GALNT2: variants seen among roughly 807,000 people sequenced by gnomAD.
GALNT2 encodes the protein UDP-GalNAc:polypeptide N-acetylgalactosaminyltransferase 2.
A neutral mutation model predicts 81.4 loss-of-function variants in GALNT2; 31 were observed. The observed-to-expected ratio is 0.38, with a 90% CI of 0.29 to 0.51. The LOEUF is 0.51. Ranked by LOEUF, GALNT2 falls within the 20% of genes least tolerant of loss-of-function variation. GALNT2 has a pLI of 0.87. For synonymous variants in GALNT2, 303 were observed against 287.4 expected (o/e 1.05, Z -0.55); for missense variants, 629 against 765.7 (o/e 0.82, Z 2.11).
intron 1 of GALNT2, among the ~76,000 whole-genome samples, chr1:230,177,899 G>A (rs934380288): frequency 3.3e-5 from 5 of 152,032 alleles, no homozygotes; most frequent in Admixed American, 2.0e-4. Flanking sequence ...TCCCTATCTC[G>A]CTTCCCCACC....
rs544662586 is a variant in GALNT2, at chr1:230,132,780, G to A, written c.127-45438G>A. On this transcript the variant is annotated intron_variant, in intron 1 of 15. Transcript: ENST00000366672. ...TATATTAGTTGTTTCTCTTCTTTCT[G>A]AATTCCTGTAAGAATATCCGAGTGT... Among the ~76,000 whole-genome samples, 11 of 152,290 alleles carry A rather than the reference G, an allele frequency of 7.2e-5. 1 individual carries two copies. The South Asian group carries it at 2.3e-3, about 32-fold the overall frequency.
intron 3 of GALNT2, among the ~76,000 whole-genome samples, chr1:230,210,100 G>A (rs1356588782): frequency 6.6e-6 from 1 of 152,214 alleles, no homozygotes; most frequent in African/African-American, 2.4e-5. Flanking sequence ...GTGTCGTCAG[G>A]CTGGAGCGTT....
At chr1:230,118,077 T>G (rs1660898820) in intron 1 of GALNT2, among the ~76,000 whole-genome samples, 1 of 152,252 alleles carries the variant, frequency 6.6e-6, no homozygotes, top group South Asian at 2.1e-4. Flanking sequence ...TCCCAGAATG[T>G]TGGAATCATT....
intron 3 of GALNT2, among the ~76,000 whole-genome samples, chr1:230,205,658 A>C (rs1395213910): frequency 6.6e-6 from 1 of 152,152 alleles, no homozygotes; most frequent in African/African-American, 2.4e-5. Flanking sequence ...GGATGTTGTG[A>C]AAGTGTTGAG....
chr1:230,249,866 T>C (rs1253686943), intron 9 of GALNT2, among the ~76,000 whole-genome samples: 2 of 152,238 alleles, frequency 1.3e-5, no homozygotes, highest in Non-Finnish European at 2.9e-5. Flanking sequence ...CAGTGTGCCA[T>C]AGACCTTCCC....
chr1:230,127,845 C>T (rs1661238122), intron 1 of GALNT2, among the ~76,000 whole-genome samples: 2 of 152,128 alleles, frequency 1.3e-5, no homozygotes, highest in South Asian at 4.1e-4. Flanking sequence ...TCCTCATTAC[C>T]ACGGTATTGC....
intron 3 of GALNT2, among the ~76,000 whole-genome samples, chr1:230,220,281 G>GTT (rs11341968): frequency 6.8e-6 from 1 of 147,928 alleles, no homozygotes; most frequent in Non-Finnish European, 1.5e-5. Context: ...AGGTGTTTTT[G>GTT]TTTTTTTTTT....
intron 10 of GALNT2, among the ~76,000 whole-genome samples, chr1:230,252,456 C>T (rs1244577936): frequency 6.6e-6 from 1 of 152,152 alleles, no homozygotes; most frequent in African/African-American, 2.4e-5. Flanking sequence ...CTGTGTTTCT[C>T]TACATCCCTG....
chr1:230,065,937 C>T (rs933763296), upstream of GALNT2, among the ~76,000 whole-genome samples: 3 of 152,154 alleles, frequency 2.0e-5, no homozygotes, highest in African/African-American at 4.8e-5. Flanking sequence ...AGGCACCTGA[C>T]CTCTGTTCAG....
chr1:230,191,147 CT>C (rs1663511380), intron 2 of GALNT2, among the ~76,000 whole-genome samples: 1 of 152,196 alleles, frequency 6.6e-6, no homozygotes, highest in Admixed American at 6.5e-5. Context: ...AAATAGTTAT[CT>C]TAAGCTTTAT....
chr1:230,227,976 AACTG>A (rs1241068719), intron 3 of GALNT2, among the ~76,000 whole-genome samples: 3 of 152,218 alleles, frequency 2.0e-5, no homozygotes, highest in Non-Finnish European at 2.9e-5. Flanking sequence ...AGAACCTGCA[AACTG>A]ACTATCAGAA....
rs1663962350 is a variant in GALNT2, at chr1:230,203,263, G to A, written c.347G>A (p.Arg116Lys). 6.2e-7 allele frequency: 1 copy of A among 1,614,148 alleles called. No individual in the cohort carries two copies. Among genetic ancestry groups the A allele is most frequent in the Non-Finnish European group, 8.5e-7 (1 of 1,179,996 alleles). The change falls in exon 3 of 16, where the codon AGA becomes AAA. Residue 116 changes from arginine to lysine, a missense_variant. Transcript: ENST00000366672. ...QVESDKLRMD[R>K]AIPDTRHDQC... The stretch of plus-strand genomic sequence containing the variant: ...GAGAGTGATAAGCTTCGAATGGACA[G>A]AGCCATCCCTGACACCCGGCATGAC...
intron 11 of GALNT2, among the ~76,000 whole-genome samples, chr1:230,258,239 T>TC (rs1451870168): frequency 8.8e-5 from 13 of 148,416 alleles, no homozygotes; most frequent in Admixed American, 4.1e-4. Flanking sequence ...TGGTTTTTTT[T>TC]CTTTTTTGAG....
At chr1:230,247,266 C>G (rs1474271296) in intron 8 of GALNT2, among the ~76,000 whole-genome samples, 8 of 152,126 alleles carry the variant, frequency 5.3e-5, no homozygotes, top group Non-Finnish European at 1.0e-4. Flanking sequence ...CCCCAGAAAA[C>G]AGAATACTTG....
At chr1:230,198,607 C>T (rs924231185) in intron 2 of GALNT2, among the ~76,000 whole-genome samples, 1 of 152,170 alleles carries the variant, frequency 6.6e-6, no homozygotes, top group Non-Finnish European at 1.5e-5. Context: ...TGTGGGACCA[C>T]CTGAGGGTTT....
chr1:230,275,855 GATATAC>G lies in GALNT2; in HGVS notation c.1560+1297_1560+1302del, dbSNP rs987716177. Reference sequence around the variant, plus strand: ...TATACATGTATATACATGCCACATAGATATACATATATAAATGCCACAGATATATAC... The same window carrying G: ...TATACATGTATATACATGCCACATAGATATATAAATGCCACAGATATATAC... On this transcript the variant is annotated intron_variant, in intron 15 of 15. Coordinates refer to ENST00000366672, the MANE Select transcript of GALNT2 (RefSeq NM_004481.5). The surrounding 1 kb of genome is among the most constrained non-coding windows in gnomAD (Gnocchi z 5.5). Among the ~76,000 whole-genome samples the G allele has an allele frequency of 1.3e-4, 19 of 145,462 alleles. 1 individual carries two copies. The highest frequency in any genetic ancestry group is 2.1e-4 in the Non-Finnish European group (14 of 66,634).
intron 1 of GALNT2, among the ~76,000 whole-genome samples, chr1:230,162,387 T>C (rs1662462838): frequency 6.6e-6 from 1 of 152,230 alleles, no homozygotes; most frequent in South Asian, 2.1e-4. Flanking sequence ...ATTTATAAAG[T>C]TTTAGAATTC....
chr1:230,278,863 C>A (rs1666363165), intron 15 of GALNT2, among the ~76,000 whole-genome samples: 1 of 152,230 alleles, frequency 6.6e-6, no homozygotes, highest in African/African-American at 2.4e-5. Context: ...GGCCTCCAGG[C>A]AGGGCTGCTT....
chr1:230,176,271 G>A (rs567708459), intron 1 of GALNT2, among the ~76,000 whole-genome samples: 17 of 151,820 alleles, frequency 1.1e-4, no homozygotes, highest in Non-Finnish European at 2.4e-4. Flanking sequence ...TTATTTGTGG[G>A]CACAAAAAAA....
Sources: gnomAD v4.1 joint callset for allele counts (sites outside exome capture counted in the v4.1 genomes callset) on GRCh38, gnomAD v4.1.1 for gene constraint, Gnocchi (gnomAD v3.1) non-coding constraint, MANE v1.5 for transcripts, NCBI Gene and HGNC (gene_info 2026-07-23, HGNC 2026-07-21) for gene names.